The following CTNND2 variants were observed in gnomAD, a reference collection of about 807,000 sequenced individuals.
CTNND2 encodes catenin delta 2, also known as catenin delta-2.
In CTNND2, 22 loss-of-function variants were observed where a neutral mutation model predicts 144.4. That is an observed-to-expected ratio of 0.15 (90% CI 0.11 to 0.22). The LOEUF (loss-of-function observed/expected upper bound fraction) is 0.22, where lower values mean the gene tolerates loss of function less well. Among genes scored for constraint, CTNND2 ranks in the 10% least tolerant of loss-of-function variants. CTNND2 has a pLI of 1.00. For synonymous variants in CTNND2, 751 were observed against 695.6 expected (o/e 1.08, Z -1.25); for missense variants, 1,353 against 1,618.8 (o/e 0.84, Z 2.82).
At chr5:11,871,873 A>G (rs1312018560) in intron 1 of CTNND2, among the ~76,000 whole-genome samples, 3 of 152,210 alleles carry the variant, frequency 2.0e-5, no homozygotes, top group Non-Finnish European at 4.4e-5. Context: ...GGGGAGGCGT[A>G]AAGATGTAGG....
At chr5:11,562,893 G>A (rs1434113587) in intron 3 of CTNND2, among the ~76,000 whole-genome samples, 1 of 152,230 alleles carries the variant, frequency 6.6e-6, no homozygotes, top group Non-Finnish European at 1.5e-5. Flanking sequence ...ACATTAGGCA[G>A]CCAGTCCTAA....
In CTNND2 at chr5:11,032,459, CA is replaced by C. The variant is rs547248702; in HGVS notation, c.2789-9481del. 3.1e-4 allele frequency among the ~76,000 whole-genome samples: 47 copies of C among 152,126 alleles called. 1 individual carries two copies. The South Asian group carries it at 9.3e-3, about 30-fold the overall frequency. On this transcript the variant is annotated intron_variant, in intron 16 of 21. Coordinates refer to ENST00000304623, the MANE Select transcript of CTNND2 (RefSeq NM_001332.4). ...TATCATCAAAGGGGAAAAATATATGCAAAAAATATATATTTTAAAACTGGTT... is the reference window on the plus strand; with the variant it reads ...TATCATCAAAGGGGAAAAATATATGCAAAAATATATATTTTAAAACTGGTT...
intron 1 of CTNND2, among the ~76,000 whole-genome samples, chr5:11,807,279 T>C (rs1420093805): frequency 1.3e-5 from 2 of 152,184 alleles, no homozygotes; most frequent in African/African-American, 4.8e-5. Flanking sequence ...TAGACTTATA[T>C]AAAGAATGCT....
chr5:11,622,262 C>A (rs1780885753), intron 2 of CTNND2, among the ~76,000 whole-genome samples: 1 of 152,070 alleles, frequency 6.6e-6, no homozygotes. Flanking sequence ...GATTCTGTTT[C>A]CTAAGCTAAG....
At chr5:11,320,551 T>C (rs918654907) in intron 9 of CTNND2, among the ~76,000 whole-genome samples, 2 of 152,178 alleles carry the variant, frequency 1.3e-5, no homozygotes, top group African/African-American at 4.8e-5. Flanking sequence ...AAGAGATTAA[T>C]TGGACTTACA....
At chr5:11,070,788 A>G (rs1471391876) in intron 16 of CTNND2, among the ~76,000 whole-genome samples, 2 of 152,236 alleles carry the variant, frequency 1.3e-5, no homozygotes, top group Admixed American at 6.5e-5. Flanking sequence ...GAGAGAATTT[A>G]TCTTCATCAG....
chr5:11,334,147 T>A (rs569376917), intron 9 of CTNND2, among the ~76,000 whole-genome samples: 43 of 152,302 alleles, frequency 2.8e-4, no homozygotes, highest in African/African-American at 9.6e-4. Context: ...ATAGGTAAGG[T>A]AAAGAAGATA....
At chr5:11,060,014 G>T (rs1746775166) in intron 16 of CTNND2, among the ~76,000 whole-genome samples, 1 of 152,124 alleles carries the variant, frequency 6.6e-6, no homozygotes, top group Non-Finnish European at 1.5e-5. Flanking sequence ...TGACTACAAG[G>T]TGTCTAATGG....
At chr5:11,487,510 C>T (rs1768943305) in intron 3 of CTNND2, among the ~76,000 whole-genome samples, 1 of 152,024 alleles carries the variant, frequency 6.6e-6, no homozygotes, top group African/African-American at 2.4e-5. Context: ...AACTGATAAC[C>T]ACACTGCAGG....
At chr5:11,078,384 T>C (rs1749174941) in intron 16 of CTNND2, among the ~76,000 whole-genome samples, 1 of 152,214 alleles carries the variant, frequency 6.6e-6, no homozygotes, top group Non-Finnish European at 1.5e-5. Flanking sequence ...GAAAAAAATA[T>C]TGATTTCATA....
At chr5:11,356,871 CCTTA>C (rs1291359393) in intron 8 of CTNND2, among the ~76,000 whole-genome samples, 4 of 150,676 alleles carry the variant, frequency 2.7e-5, no homozygotes, top group Non-Finnish European at 4.4e-5. Flanking sequence ...GTGCAAAAGA[CCTTA>C]CTTGACATTT....
At chr5:10,996,654 A>G (rs929632971) in intron 18 of CTNND2, among the ~76,000 whole-genome samples, 1 of 152,122 alleles carries the variant, frequency 6.6e-6, no homozygotes, top group Admixed American at 6.5e-5. Context: ...GCTGGAGTGC[A>G]ATGGCGTGAT....
chr5:11,127,168 A>G (rs1248039277), intron 12 of CTNND2, among the ~76,000 whole-genome samples: 2 of 152,222 alleles, frequency 1.3e-5, no homozygotes, highest in African/African-American at 4.8e-5. Flanking sequence ...AGCCAGTGCA[A>G]TATGTCTACT....
intron 3 of CTNND2, among the ~76,000 whole-genome samples, chr5:11,513,929 G>T (rs1025129084): frequency 1.4e-4 from 21 of 152,048 alleles, no homozygotes; most frequent in South Asian, 4.1e-4. Flanking sequence ...CTTTGACTCC[G>T]CAATTCCATT....
At chr5:11,168,459 T>C (rs759849501) in intron 11 of CTNND2, among the ~76,000 whole-genome samples, 14 of 152,212 alleles carry the variant, frequency 9.2e-5, no homozygotes, top group Non-Finnish European at 1.9e-4. Context: ...AAATGAACCA[T>C]AGAATTTCAT....
At chr5:11,772,169 TC>T (rs1789985730) in intron 1 of CTNND2, among the ~76,000 whole-genome samples, 1 of 152,244 alleles carries the variant, frequency 6.6e-6, no homozygotes, top group Non-Finnish European at 1.5e-5. Context: ...GAAGTTTTAA[TC>T]TTAATTAATC....
At chr5:11,232,199 A>G (rs891601618) in intron 10 of CTNND2, among the ~76,000 whole-genome samples, 3 of 152,238 alleles carry the variant, frequency 2.0e-5, no homozygotes, top group Non-Finnish European at 2.9e-5. Context: ...AAGAGAAACA[A>G]GGGGTTGGAG....
chr5:11,900,971 G>A (rs933754640), intron 1 of CTNND2, among the ~76,000 whole-genome samples: 2 of 152,020 alleles, frequency 1.3e-5, no homozygotes, highest in African/African-American at 4.8e-5. Context: ...AATAATGTTC[G>A]CACAGAGAAA....
intron 10 of CTNND2, among the ~76,000 whole-genome samples, chr5:11,199,942 C>A (rs1211680344): frequency 6.6e-6 from 1 of 152,162 alleles, no homozygotes; most frequent in Admixed American, 6.5e-5. Context: ...ACATTTCTCT[C>A]CATAAAATAT....
Sources: allele counts gnomAD v4.1 joint callset (sites outside exome capture counted in the v4.1 genomes callset), GRCh38; gene constraint gnomAD v4.1.1; transcripts MANE v1.5; gene names NCBI Gene and HGNC (gene_info 2026-07-23, HGNC 2026-07-21).